The following EML4 variants were observed in gnomAD, a reference collection of about 807,000 sequenced individuals.
The protein encoded by EML4 is echinoderm microtubule-associated protein-like 4.
Under a neutral mutation model 129.0 loss-of-function variants are expected in EML4, and 72 were observed. That is an observed-to-expected ratio of 0.56 (90% confidence interval 0.46 to 0.68). EML4 has a LOEUF of 0.68. Among genes scored for constraint, EML4 ranks in the 30% least tolerant of loss-of-function variants. The pLI, the probability that EML4 is intolerant of heterozygous loss-of-function variation, is 0.00. For synonymous variants in EML4, 532 were observed against 405.0 expected, an observed-to-expected ratio of 1.31 and a Z score of -3.77; for missense variants, 1,363 against 1,190.6, an observed-to-expected ratio of 1.14 and a Z score of -2.13.
chr2:42,261,352 G>C (rs1197266195), intron 4 of EML4, 58 bp downstream of exon 4: 2 of 1,428,340 alleles, frequency 1.4e-6, no homozygotes, highest in African/African-American at 2.8e-5. Flanking sequence ...CCTAAATTCT[G>C]TGACTTGGGA....
In EML4 at chr2:42,330,103, G is replaced by A. The variant is rs1670025352; in HGVS notation, c.2842G>A (p.Asp948Asn). The change falls in exon 23 of 23, where the codon GAC becomes AAC. Residue 948 changes from aspartate (D) to asparagine (N), a missense_variant. Transcript: ENST00000318522. ...SEEESEEGSGDLGEPLYEEPC... is the reference protein window; with the variant it reads ...SEEESEEGSGNLGEPLYEEPC... ...GGAGGAGAGTGAAGAGGGCAGCGGA[G>A]ACCTTGGTGAGCCTCTTTATGAAGA... The A allele has an allele frequency of 2.5e-6, 4 of 1,612,648 alleles. No individual in the cohort carries two copies. The highest frequency in any genetic ancestry group is 2.2e-5 in the East Asian group (1 of 44,862).
At chr2:42,308,040 C>T (rs947934758) in intron 17 of EML4, among the ~76,000 whole-genome samples, 32 of 152,202 alleles carry the variant, frequency 2.1e-4, no homozygotes, top group African/African-American at 7.5e-4. Flanking sequence ...GTAATGATGT[C>T]TTCATGTCCA....
chr2:42,257,850 A>C (rs1665439100), intron 3 of EML4, among the ~76,000 whole-genome samples: 1 of 152,046 alleles, frequency 6.6e-6, no homozygotes, highest in Non-Finnish European at 1.5e-5. Flanking sequence ...AAAAAAAAAA[A>C]AAAATTCCTT....
rs1195299966 is a variant in EML4 at position 42,329,745 on chromosome 2, C to T, written c.2484C>T (p.His828=). The T allele has an allele frequency of 6.2e-7, 1 of 1,613,622 alleles. No homozygotes were observed. Among genetic ancestry groups the T allele is most frequent in the Non-Finnish European group, 8.5e-7 (1 of 1,179,692 alleles). The change falls in exon 23 of 23, where the codon CAC becomes CAT. Residue 828 remains histidine (H), a synonymous_variant. Coordinates refer to ENST00000318522, the MANE Select transcript of EML4 (RefSeq NM_019063.5). The part of the protein sequence containing the change: ...YPCSKAKAPS[H]KYSAHSSHVT... Reference sequence around the variant, plus strand: ...TTTATTTCATATAGGCTCCCAGTCACAAGTACAGTGCCCACAGCAGCCATG... The same window carrying T: ...TTTATTTCATATAGGCTCCCAGTCATAAGTACAGTGCCCACAGCAGCCATG...
At chr2:42,312,844 C>T (rs1014132613) in intron 17 of EML4, among the ~76,000 whole-genome samples, 36 of 151,586 alleles carry the variant, frequency 2.4e-4, no homozygotes, top group African/African-American at 7.2e-4. Flanking sequence ...TGAGCCACTG[C>T]GCCTGGCCTG....
chr2:42,300,690 G>A (rs1668233827), intron 13 of EML4, among the ~76,000 whole-genome samples: 1 of 152,208 alleles, frequency 6.6e-6, no homozygotes, highest in South Asian at 2.1e-4. Context: ...AGGCCTCTGG[G>A]TTAACAATGG....
rs59575212 is a variant in EML4, at chr2:42,320,328, T to TAA, written c.2154+2818_2154+2819dup. Among the ~76,000 whole-genome samples the TAA allele has an allele frequency of 8.8e-3, 1,274 of 145,124 alleles. 9 individuals carry two copies. The highest frequency in any genetic ancestry group is 0.012 in the Non-Finnish European group (804 of 65,964). ...ATTAACCAAGACCCTGTCTGTATTT[T>TAA]AAAAAAAAAAAAAAAGCTGTGCTTA... On this transcript the variant is annotated intron_variant, in intron 19 of 22. Transcript: ENST00000318522.
intron 6 of EML4, among the ~76,000 whole-genome samples, chr2:42,269,284 A>C (rs1416286811): frequency 1.3e-5 from 2 of 152,246 alleles, no homozygotes; most frequent in Non-Finnish European, 2.9e-5. Context: ...GAACTCATTT[A>C]TAAAATTGGG....
rs1403863174 is a variant in EML4, at chr2:42,329,716, C to G, written c.2473-18C>G. 1 of 1,598,470 alleles carries G rather than the reference C, an allele frequency of 6.3e-7. No homozygotes were observed. The highest frequency in any genetic ancestry group is 1.1e-5 in the South Asian group (1 of 90,436). ...GAATGAGTTTAATTTTCCTGTCTGTCTGATTTATTTCATATAGGCTCCCAG... is the reference window on the plus strand; with the variant it reads ...GAATGAGTTTAATTTTCCTGTCTGTGTGATTTATTTCATATAGGCTCCCAG... On this transcript the variant is annotated intron_variant, in intron 22 of 22. Coordinates refer to ENST00000318522, the MANE Select transcript of EML4 (RefSeq NM_019063.5).
At chr2:42,264,124 T>G (rs921966581) in intron 5 of EML4, among the ~76,000 whole-genome samples, 139 of 147,908 alleles carry the variant, frequency 9.4e-4, no homozygotes, top group Non-Finnish European at 8.5e-4. Context: ...TTTTTTTTTT[T>G]TTTTTGAGAC....
chr2:42,219,531 G>C (rs1673422698), intron 1 of EML4, among the ~76,000 whole-genome samples: 1 of 152,114 alleles, frequency 6.6e-6, no homozygotes, highest in East Asian at 1.9e-4. Context: ...TCATAGATTA[G>C]AAAATGACAT....
chr2:42,251,246 C>T (rs954146928), intron 2 of EML4, among the ~76,000 whole-genome samples: 11 of 152,120 alleles, frequency 7.2e-5, no homozygotes, highest in African/African-American at 2.4e-4. Context: ...ATATGTATAT[C>T]TAACAAACCT....
chr2:42,265,173 C>G (rs1486704631), intron 6 of EML4, among the ~76,000 whole-genome samples: 2 of 152,168 alleles, frequency 1.3e-5, no homozygotes, highest in African/African-American at 4.8e-5. Context: ...TTACTGCAAT[C>G]TCCACCTCCT....
At chr2:42,182,141 T>TA (rs1378181478) in intron 1 of EML4, among the ~76,000 whole-genome samples, 6 of 147,332 alleles carry the variant, frequency 4.1e-5, no homozygotes, top group Admixed American at 1.3e-4. Context: ...TTTTTTTTTT[T>TA]ATGTAGAAAA....
intron 1 of EML4, among the ~76,000 whole-genome samples, chr2:42,216,394 C>T (rs1023385983): frequency 6.6e-6 from 1 of 151,696 alleles, no homozygotes; most frequent in African/African-American, 2.4e-5. Context: ...AGGTGTGTGC[C>T]ACCACACCTG....
chr2:42,261,010 A>G, intron 3 of EML4, 111 bp from the exon 4 acceptor site: 2 of 770,184 alleles, frequency 2.6e-6, no homozygotes, highest in Admixed American at 2.4e-5. Flanking sequence ...TGCAAATTGT[A>G]TTAGCTGTAT....
At chr2:42,309,450 T>C (rs1334121580) in intron 17 of EML4, among the ~76,000 whole-genome samples, 1 of 151,074 alleles carries the variant, frequency 6.6e-6, no homozygotes, top group Non-Finnish European at 1.5e-5. Context: ...AAAAAAAATT[T>C]TTTTTTTTTT....
intron 1 of EML4, among the ~76,000 whole-genome samples, chr2:42,226,389 G>A (rs917768634): frequency 7.9e-5 from 12 of 152,030 alleles, no homozygotes; most frequent in Non-Finnish European, 1.8e-4. Context: ...GCCGGGCGTG[G>A]TGGCTCATGG....
chr2:42,223,105 A>T (rs562531187), intron 1 of EML4, among the ~76,000 whole-genome samples: 19 of 152,162 alleles, frequency 1.2e-4, no homozygotes, highest in Admixed American at 5.9e-4. Context: ...GTGCCTGGCC[A>T]ATATAATGTA....
Sources: allele counts gnomAD v4.1 joint callset (sites outside exome capture counted in the v4.1 genomes callset), GRCh38; gene constraint gnomAD v4.1.1; transcripts MANE v1.5; gene names NCBI Gene and HGNC (gene_info 2026-07-23, HGNC 2026-07-21).